MMS22L: variants seen among roughly 807,000 people sequenced by gnomAD.
MMS22L encodes MMS22 like, DNA repair protein.
Under a neutral mutation model 159.1 loss-of-function variants are expected in MMS22L, and 74 were observed. That is an observed-to-expected ratio of 0.47 (90% CI 0.39 to 0.56). The LOEUF (loss-of-function observed/expected upper bound fraction) is 0.56, where lower values mean the gene tolerates loss of function less well. MMS22L is among the 20% of genes least tolerant of loss of function. The pLI is 0.00. For synonymous variants in MMS22L, 517 were observed against 506.9 expected, an observed-to-expected ratio of 1.02 and a Z score of -0.27; for missense variants, 1,351 against 1,422.1, an observed-to-expected ratio of 0.95 and a Z score of 0.80.
At chr6:97,283,389 TA>T (rs71012594), upstream of MMS22L, 76 of 138,700 alleles carry the variant, frequency 5.5e-4, no homozygotes, top group East Asian at 6.2e-4. Flanking sequence ...CGGGGCCTGG[TA>T]AAAAAAAAAA....
In MMS22L at chr6:97,180,133, G is replaced by A. The variant is rs866269056; in HGVS notation, c.2385-574C>T. Among the ~76,000 whole-genome samples, 20 of 150,788 alleles carry A rather than the reference G, an allele frequency of 1.3e-4. 1 individual carries two copies. The South Asian group carries it at 3.1e-3, about 24-fold the overall frequency. On this transcript the variant is annotated intron_variant, in intron 16 of 24. Transcript: ENST00000683635. ...TCTTTTTTTTTTGAGACGGAGTCTC[G>A]CTCTGTTGCCCAGGCTGGAGTGCAG...
chr6:97,168,072 T>C lies in MMS22L; in HGVS notation c.3008A>G (p.Gln1003Arg). The change falls in exon 20 of 25, where the codon CAG becomes CGG. Residue 1003 changes from glutamine (Q) to arginine (R), a missense_variant and splice_region_variant. Physicochemically the swap from Gln to Arg is conservative, Grantham distance 43. Transcript: ENST00000683635. ...AIQKSLPLYL[Q>R]GMCIVCCQSQ... The stretch of plus-strand genomic sequence containing the variant: ...TTTAAGCAACCACAGATACTATACC[T>C]GGAGATACAAAGGAAGACTTTTCTG... The C allele has an allele frequency of 9.3e-6, 15 of 1,606,304 alleles. No individual in the cohort carries two copies. The highest frequency in any genetic ancestry group is 1.3e-5 in the Non-Finnish European group (15 of 1,177,262).
At chr6:97,180,822 A>G (rs756525519) in intron 16 of MMS22L, among the ~76,000 whole-genome samples, 1 of 152,216 alleles carries the variant, frequency 6.6e-6, no homozygotes, top group Non-Finnish European at 1.5e-5. Flanking sequence ...TTACCTTACA[A>G]CTGAAAGCCC....
At chr6:97,179,257 A>G in intron 17 of MMS22L, 151 bp downstream of exon 17, 1 of 564,616 alleles carries the variant, frequency 1.8e-6, no homozygotes, top group African/African-American at 1.9e-5. Flanking sequence ...AAACGGAAAC[A>G]GGCTACAAAA....
intron 18 of MMS22L, among the ~76,000 whole-genome samples, chr6:97,174,869 AAAGAT>A (rs981730847): frequency 6.6e-6 from 1 of 152,208 alleles, no homozygotes; most frequent in African/African-American, 2.4e-5. Context: ...GTGAAATGAA[AAAGAT>A]AAGAAAGTCA....
chr6:97,214,150 C>T (rs1326701727), intron 14 of MMS22L, among the ~76,000 whole-genome samples: 1 of 152,078 alleles, frequency 6.6e-6, no homozygotes, highest in African/African-American at 2.4e-5. Flanking sequence ...AAGATCAAAG[C>T]CTCATTTACA....
At position 97,211,497 on chromosome 6, in the gene MMS22L, T is replaced by G. The variant is rs1396397964; in HGVS notation, c.2039+17397A>C. On this transcript the variant is annotated intron_variant, in intron 14 of 24. Transcript: ENST00000683635. Reference sequence around the variant, plus strand: ...TCATTTCCCTAATGTAAAATCTTCATCTTCTAGTAGTATACCTCAAAAGTG... The same window carrying G: ...TCATTTCCCTAATGTAAAATCTTCAGCTTCTAGTAGTATACCTCAAAAGTG... Among the ~76,000 whole-genome samples the G allele has an allele frequency of 5.3e-5, 8 of 152,238 alleles. No individual in the cohort carries two copies. The East Asian group carries it at 1.5e-3, about 29-fold the overall frequency.
chr6:97,149,774 AAAT>A (rs1801136492), intron 24 of MMS22L, 76 bp downstream of exon 24: 6 of 1,376,334 alleles, frequency 4.4e-6, no homozygotes, highest in Non-Finnish European at 5.8e-6. Context: ...GGGAATAAGA[AAAT>A]AAATCATTTC....
intron 24 of MMS22L, among the ~76,000 whole-genome samples, chr6:97,148,493 A>G (rs1801024114): frequency 6.6e-6 from 1 of 152,146 alleles, no homozygotes; most frequent in South Asian, 2.1e-4. Context: ...GGTGGAAGAC[A>G]GTGATGTTGA....
chr6:97,208,465 A>G (rs532752851), intron 14 of MMS22L, among the ~76,000 whole-genome samples: 20 of 152,180 alleles, frequency 1.3e-4, no homozygotes, highest in South Asian at 2.1e-4. Flanking sequence ...AGTGAAGGAG[A>G]TATTTCAAGT....
chr6:97,166,397 T>C (rs1026191480), intron 20 of MMS22L, among the ~76,000 whole-genome samples: 18 of 152,264 alleles, frequency 1.2e-4, no homozygotes, highest in African/African-American at 4.3e-4. Context: ...GAAGTCTCCA[T>C]TTTAGTTGTA....
In MMS22L at chr6:97,146,614, C is replaced by G; in HGVS notation, c.*192G>C. 2.7e-6 allele frequency: 1 copy of G among 372,728 alleles called. No homozygotes were observed. The highest frequency in any genetic ancestry group is 4.8e-5 in the East Asian group (1 of 20,958). The allele number at this position is 372,728 out of a possible 1,614,324, so 23.1% of individuals were successfully genotyped here. On this transcript the variant is annotated 3_prime_UTR_variant, in exon 25 of 25. Coordinates refer to ENST00000683635, the MANE Select transcript of MMS22L (RefSeq NM_001350599.2). ...CAGTTTTGTAAAAAGTTCCAAGGAT[C>G]CTATTACACAGTTGCTAATTAACCT...
chr6:97,250,110 A>G (rs1373586184), intron 10 of MMS22L, among the ~76,000 whole-genome samples: 1 of 152,210 alleles, frequency 6.6e-6, no homozygotes, highest in Non-Finnish European at 1.5e-5. Context: ...TTTCTTCCAC[A>G]ATAAAATTTC....
chr6:97,240,449 A>G (rs921611789), intron 11 of MMS22L, among the ~76,000 whole-genome samples: 4 of 152,068 alleles, frequency 2.6e-5, no homozygotes, highest in African/African-American at 9.7e-5. Flanking sequence ...TCACACTGAA[A>G]CTCTGGGCCA....
chr6:97,249,481 C>G (rs566441374), intron 10 of MMS22L, among the ~76,000 whole-genome samples: 1 of 152,276 alleles, frequency 6.6e-6, no homozygotes, highest in Admixed American at 6.5e-5. Flanking sequence ...GGACTGTCCC[C>G]TGAAACTTGG....
chr6:97,224,238 T>C (rs1328493611), intron 14 of MMS22L, among the ~76,000 whole-genome samples: 1 of 152,192 alleles, frequency 6.6e-6, no homozygotes, highest in Non-Finnish European at 1.5e-5. Context: ...TTAACTTCAC[T>C]TTATATAATT....
intron 14 of MMS22L, among the ~76,000 whole-genome samples, chr6:97,225,005 ATG>A (rs1424114422): frequency 1.3e-5 from 2 of 152,294 alleles, no homozygotes; most frequent in South Asian, 2.1e-4. Flanking sequence ...TGAAATTTAA[ATG>A]TGTTATTTTA....
At chr6:97,153,061 C>T (rs1801480079) in intron 22 of MMS22L, among the ~76,000 whole-genome samples, 1 of 150,904 alleles carries the variant, frequency 6.6e-6, no homozygotes, top group Non-Finnish European at 1.5e-5. Context: ...AGGCTGGCCT[C>T]GAACTCCTAG....
chr6:97,252,833 A>G (rs959104782), intron 10 of MMS22L, among the ~76,000 whole-genome samples: 1 of 152,204 alleles, frequency 6.6e-6, no homozygotes, highest in African/African-American at 2.4e-5. Context: ...GCAAATGCTT[A>G]TATTACGACC....
Sources: allele counts gnomAD v4.1 joint callset (sites outside exome capture counted in the v4.1 genomes callset), GRCh38; gene constraint gnomAD v4.1.1; transcripts MANE v1.5; gene names NCBI Gene and HGNC (gene_info 2026-07-23, HGNC 2026-07-21).